NINL: variants seen among roughly 807,000 people sequenced by gnomAD.
NINL encodes ninein like, also known as ninein-like protein.
Under a neutral mutation model 160.3 loss-of-function variants are expected in NINL, and 153 were observed. That is an observed-to-expected ratio of 0.95 (90% CI 0.84 to 1.09). The LOEUF is 1.09. Among genes scored for constraint, NINL ranks in the 50% least tolerant of loss-of-function variants. The pLI, the probability that NINL is intolerant of heterozygous loss-of-function variation, is 0.00. For missense variants in NINL, 1,829 were observed against 1,764.0 expected (o/e 1.04, Z -0.66); for synonymous variants, 800 against 734.8 (o/e 1.09, Z -1.43).
Position 25,494,700 on chromosome 20 carries a change from G to T in NINL, c.1310+1963C>A, listed in dbSNP as rs1056852288. 1.3e-3 allele frequency among the ~76,000 whole-genome samples: 197 copies of T among 152,328 alleles called. 1 individual carries two copies. Among genetic ancestry groups the T allele is most frequent in the Admixed American group, 0.013 (194 of 15,310 alleles). On this transcript the variant is annotated intron_variant, in intron 10 of 23. Coordinates refer to ENST00000278886, the MANE Select transcript of NINL (RefSeq NM_025176.6). The stretch of plus-strand genomic sequence containing the variant: ...TGGCGGCTGCAGGAGGTGCAGCGGG[G>T]ACCCCCTTCTGCCCAGCACAGATCC...
intron 1 of NINL, among the ~76,000 whole-genome samples, chr20:25,559,806 T>G (rs977431939): frequency 5.3e-5 from 8 of 152,026 alleles, no homozygotes; most frequent in African/African-American, 1.9e-4. Flanking sequence ...GGGATCTCAC[T>G]GTGTTGCCCA....
chr20:25,502,328 C>A (rs937106412), intron 7 of NINL, among the ~76,000 whole-genome samples: 1 of 152,112 alleles, frequency 6.6e-6, no homozygotes, highest in Non-Finnish European at 1.5e-5. Context: ...GTGTACCTAC[C>A]CCCAGTGCAG....
intron 17 of NINL, 109 bp from the exon 18 acceptor site, chr20:25,470,204 G>A (rs532942293): frequency 2.5e-5 from 20 of 785,874 alleles, no homozygotes; most frequent in East Asian, 2.5e-4. Flanking sequence ...CCATCTCCCC[G>A]TCCCTGGAGG....
chr20:25,484,342 C>T (rs2063464597), intron 13 of NINL, among the ~76,000 whole-genome samples: 2 of 152,132 alleles, frequency 1.3e-5, no homozygotes, highest in South Asian at 4.1e-4. Context: ...CACAGCGACC[C>T]CTAGGAGCGA....
intron 2 of NINL, among the ~76,000 whole-genome samples, 189 bp from the exon 3 acceptor site, chr20:25,518,038 T>G (rs1324632503): frequency 6.6e-6 from 1 of 152,218 alleles, no homozygotes; most frequent in East Asian, 1.9e-4. Flanking sequence ...AAAGTAGAAG[T>G]GGACCATAAT....
chr20:25,469,988 T>C lies in NINL; in HGVS notation c.3353+3A>G. Reference sequence around the variant, plus strand: ...AAGGTCTGGGTAGGGGCGTGGCCCTTACCTCTGTGCATCGTGAGTACTTTC... The same window carrying C: ...AAGGTCTGGGTAGGGGCGTGGCCCTCACCTCTGTGCATCGTGAGTACTTTC... On this transcript the variant is annotated splice_donor_region_variant and intron_variant, in intron 18 of 23. Transcript: ENST00000278886. The C allele has an allele frequency of 6.2e-7, 1 of 1,612,916 alleles. No homozygotes were observed. Among genetic ancestry groups the C allele is most frequent in the South Asian group, 1.1e-5 (1 of 91,064 alleles).
rs753697173 is a variant in NINL at position 25,526,531 on chromosome 20, G to A, written c.57C>T (p.Cys19=). The change falls in exon 2 of 24, where the codon TGC becomes TGT. Residue 19 remains cysteine, a synonymous_variant. Transcript: ENST00000278886. Reference sequence around the variant, plus strand: ...CCAGAAAGCCAGTCCCCGTGGTGTCGCAGCTGCTGTAGACTTCCCTGAGCT... The same window carrying A: ...CCAGAAAGCCAGTCCCCGTGGTGTCACAGCTGCTGTAGACTTCCCTGAGCT... ...VSQLREVYSS[C]DTTGTGFLDR... 2.6e-5 allele frequency: 42 copies of A among 1,614,074 alleles called. No individual in the cohort carries two copies. Among genetic ancestry groups the A allele is most frequent in the Non-Finnish European group, 3.0e-5 (35 of 1,180,040 alleles).
intron 11 of NINL, 73 bp from the exon 12 acceptor site, chr20:25,490,058 G>A: frequency 1.5e-6 from 2 of 1,316,602 alleles, no homozygotes; most frequent in Non-Finnish European, 2.2e-6. Flanking sequence ...GGAGGTGAGA[G>A]GCTTGCTTCT....
chr20:25,485,976 G>A (rs1283837936), intron 13 of NINL, among the ~76,000 whole-genome samples: 2 of 152,144 alleles, frequency 1.3e-5, no homozygotes, highest in African/African-American at 4.8e-5. Flanking sequence ...CATAGAAATG[G>A]TCTCATGTTG....
At chr20:25,572,354 C>G (rs1167515736) in intron 1 of NINL, among the ~76,000 whole-genome samples, 1 of 152,076 alleles carries the variant, frequency 6.6e-6, no homozygotes. Flanking sequence ...GGGGCCCACT[C>G]TCTGAGCTGT....
At chr20:25,562,615 TC>T (rs376907370) in intron 1 of NINL, among the ~76,000 whole-genome samples, 11,617 of 143,252 alleles carry the variant, frequency 0.081, 782 homozygotes, top group African/African-American at 0.19. Flanking sequence ...TTAAGAGTCA[TC>T]ACCACTCCCT....
At chr20:25,481,944 C>T (rs754501442) in intron 14 of NINL, 24 bp downstream of exon 14, 4 of 1,591,918 alleles carry the variant, frequency 2.5e-6, no homozygotes, top group Non-Finnish European at 3.4e-6. Context: ...TTGGGTCAGC[C>T]CCCTCCCAGG....
At chr20:25,477,471 G>A (rs1402370201) in intron 16 of NINL, among the ~76,000 whole-genome samples, 2 of 152,204 alleles carry the variant, frequency 1.3e-5, no homozygotes, top group Non-Finnish European at 2.9e-5. Context: ...CACTGCAGTG[G>A]GTTCTACACG....
intron 20 of NINL, 27 bp from the exon 21 acceptor site, chr20:25,461,662 G>A: frequency 2.1e-6 from 3 of 1,431,966 alleles, no homozygotes; most frequent in Non-Finnish European, 3.0e-6. Flanking sequence ...AATTGCACAA[G>A]TCAAGAAGTA....
intron 1 of NINL, among the ~76,000 whole-genome samples, chr20:25,533,258 G>A (rs1343407433): frequency 6.6e-6 from 1 of 152,186 alleles, no homozygotes; most frequent in African/African-American, 2.4e-5. Context: ...GGATGTGGGA[G>A]AGGAGAATAA....
At chr20:25,562,176 G>A in intron 1 of NINL, among the ~76,000 whole-genome samples, 1 of 144,334 alleles carries the variant, frequency 6.9e-6, no homozygotes, top group African/African-American at 2.6e-5. Flanking sequence ...GGAGGTGGGG[G>A]GTCAGCCCCC....
Position 25,512,838 on chromosome 20 carries a change from A to G in NINL, c.446T>C (p.Val149Ala). 1 of 1,611,068 alleles carries G rather than the reference A, an allele frequency of 6.2e-7. No homozygotes were observed. The highest frequency in any genetic ancestry group is 1.1e-5 in the South Asian group (1 of 90,838). Reference protein sequence around the residue: ...HLWRSASLESVESPKSDEEAE... With the variant: ...HLWRSASLESAESPKSDEEAE... ...TGGGAGAGGGGCCTGACCCACCTCC[A>G]CGCTCTCCAGAGACGCTGAGCGCCA... The change falls in exon 4 of 24, where the codon GTG becomes GCG. Residue 149 changes from valine (V) to alanine (A), a missense_variant. Coordinates refer to ENST00000278886, the MANE Select transcript of NINL (RefSeq NM_025176.6).
chr20:25,581,919 C>T (rs1478635408), intron 1 of NINL, among the ~76,000 whole-genome samples: 4 of 152,166 alleles, frequency 2.6e-5, no homozygotes, highest in South Asian at 2.1e-4. Flanking sequence ...TATGAGTTAG[C>T]GAAAAAGTTT....
Position 25,477,068 on chromosome 20 carries a change from C to T in NINL, c.2223G>A (p.Leu741=). The T allele has an allele frequency of 6.3e-7, 1 of 1,596,740 alleles. No individual in the cohort carries two copies. Among genetic ancestry groups the T allele is most frequent in the Non-Finnish European group, 8.5e-7 (1 of 1,178,968 alleles). Reference sequence around the variant, plus strand: ...CTCCCAGCCCCGACAGCTCTCCACTCAGCTCCGCCTCAGCCTCTCTCCTGT... The same window carrying T: ...CTCCCAGCCCCGACAGCTCTCCACTTAGCTCCGCCTCAGCCTCTCTCCTGT... ...QQIRREAEAE[L]SGELSGLGAL... is the part of the protein sequence containing the mutation. Residue 741 remains leucine, a synonymous_variant, in exon 17 of 24, where the codon CTG becomes CTA. Transcript: ENST00000278886.
Sources: allele counts gnomAD v4.1 joint callset (sites outside exome capture counted in the v4.1 genomes callset), GRCh38; gene constraint gnomAD v4.1.1; transcripts MANE v1.5; gene names NCBI Gene and HGNC (gene_info 2026-07-23, HGNC 2026-07-21).